GRIP1: variants seen among roughly 807,000 people sequenced by gnomAD.
GRIP1 encodes the protein glutamate receptor interacting protein 1, also known as glutamate receptor-interacting protein 1.
Under a neutral mutation model 129.9 loss-of-function variants are expected in GRIP1, and 45 were observed. The ratio of observed to expected loss-of-function variants is 0.35; its 90% CI spans 0.27 to 0.44. The LOEUF is 0.44. Among genes scored for constraint, GRIP1 ranks in the 20% least tolerant of loss-of-function variants. The pLI is 1.00. For missense variants in GRIP1, 1,196 were observed against 1,396.8 expected, an observed-to-expected ratio of 0.86 and a Z score of 2.29; for synonymous variants, 530 against 520.8, an observed-to-expected ratio of 1.02 and a Z score of -0.24.
At chr12:66,752,125 G>T (rs2037145341) in intron 1 of GRIP1, among the ~76,000 whole-genome samples, 1 of 152,100 alleles carries the variant, frequency 6.6e-6, no homozygotes, top group African/African-American at 2.4e-5. Context: ...TCCATATTAT[G>T]AAACGATATA....
At chr12:67,046,464 C>A (rs572155758) in intron 1 of GRIP1, among the ~76,000 whole-genome samples, 14 of 152,212 alleles carry the variant, frequency 9.2e-5, no homozygotes, top group African/African-American at 3.4e-4. Flanking sequence ...GACTGAATTT[C>A]ATGTTAATTT....
At chr12:66,941,047 T>C (rs1294305997) in intron 1 of GRIP1, among the ~76,000 whole-genome samples, 2 of 150,264 alleles carry the variant, frequency 1.3e-5, no homozygotes, top group South Asian at 2.1e-4. Flanking sequence ...ATCACAATGC[T>C]AAACACAATC....
At chr12:66,416,358 G>A (rs1473185204) in intron 15 of GRIP1, among the ~76,000 whole-genome samples, 1 of 151,966 alleles carries the variant, frequency 6.6e-6, no homozygotes, top group African/African-American at 2.4e-5. Context: ...AATCAGAAAA[G>A]CAAGAGCAAA....
intron 1 of GRIP1, among the ~76,000 whole-genome samples, chr12:66,820,338 CA>C (rs564923762): frequency 1.6e-4 from 25 of 152,196 alleles, no homozygotes; most frequent in Non-Finnish European, 2.6e-4. Flanking sequence ...CTAGTGTCCA[CA>C]ACACTGGCAA....
At chr12:66,626,735 ACTC>A (rs2030108101) in intron 1 of GRIP1, 1 of 152,784 alleles carries the variant, frequency 6.5e-6, no homozygotes. Flanking sequence ...CAGCGTCACC[ACTC>A]CTCATTTCAC....
At chr12:66,827,387 TGAGAGAGAGA>T (rs112366252) in intron 1 of GRIP1, among the ~76,000 whole-genome samples, 1 of 108,226 alleles carries the variant, frequency 9.2e-6, no homozygotes, top group African/African-American at 3.6e-5. Context: ...TGTGTGTGTG[TGAGAGAGAGA>T]GAGAGAGAGA....
At chr12:66,587,992 CTT>C (rs896773991) in intron 2 of GRIP1, among the ~76,000 whole-genome samples, 86 of 151,324 alleles carry the variant, frequency 5.7e-4, no homozygotes, top group African/African-American at 1.9e-3. Flanking sequence ...TTGTGTATCA[CTT>C]ATATATTTTA....
At chr12:66,807,086 T>A (rs993649329), upstream of GRIP1, among the ~76,000 whole-genome samples, 2 of 152,084 alleles carry the variant, frequency 1.3e-5, no homozygotes, top group Non-Finnish European at 2.9e-5. Flanking sequence ...CATGAGTATA[T>A]GGGCCACAAT....
At chr12:66,380,711 G>T (rs1423657334) in intron 19 of GRIP1, among the ~76,000 whole-genome samples, 1 of 152,140 alleles carries the variant, frequency 6.6e-6, no homozygotes, top group Non-Finnish European at 1.5e-5. Context: ...GTAGGTGATG[G>T]GGTATGTGGT....
At chr12:66,910,580 A>G (rs1422115025) in intron 1 of GRIP1, among the ~76,000 whole-genome samples, 2 of 152,044 alleles carry the variant, frequency 1.3e-5, no homozygotes, top group Admixed American at 6.5e-5. Context: ...CGGTGTGAAC[A>G]TAACCACAGG....
Position 66,644,746 on chromosome 12 carries a change from T to C in GRIP1, c.55+34104A>G, listed in dbSNP as rs571877667. On this transcript the variant is annotated intron_variant, in intron 1 of 24. Coordinates refer to ENST00000359742, the MANE Select transcript of GRIP1 (RefSeq NM_001366722.1). ...ACTTGCAAGAATTCTCATTTACTCATTTAATTCTGTTTTTGCAATTATGAA... is the reference window on the plus strand; with the variant it reads ...ACTTGCAAGAATTCTCATTTACTCACTTAATTCTGTTTTTGCAATTATGAA... Among the ~76,000 whole-genome samples, 3 of 152,354 alleles carry C rather than the reference T, an allele frequency of 2.0e-5. No homozygotes were observed. The South Asian group carries it at 6.2e-4, about 32-fold the overall frequency.
Position 66,392,311 on chromosome 12 carries a change from G to T in GRIP1, c.2461C>A (p.Gln821Lys). The stretch of plus-strand genomic sequence containing the variant: ...GGGGGACAAAGTAAAGACATACCTT[G>T]AGTTCCATAGCTGGTGTCTATTGCA... ...GSAIDTSYGT[Q>K]GTSFQASGYN... The change falls in exon 19 of 25, where the codon CAA becomes AAA. Residue 821 changes from glutamine to lysine, a missense_variant. Gln to Lys is a moderately conservative substitution (Grantham distance 53). Coordinates refer to ENST00000359742, the MANE Select transcript of GRIP1 (RefSeq NM_001366722.1). 2 of 1,587,502 alleles carry T rather than the reference G, an allele frequency of 1.3e-6. No individual in the cohort carries two copies. Among genetic ancestry groups the T allele is most frequent in the Non-Finnish European group, 1.7e-6 (2 of 1,155,680 alleles).
rs536428029 is a variant in GRIP1 at position 66,754,584 on chromosome 12, G to C, written c.-420+49469C>G. On this transcript the variant is annotated intron_variant, in intron 1 of 4. Coordinates refer to the GRIP1 transcript ENST00000538373. ...AAGGGCAGAGAGCCGTCACTACACT[G>C]TCTGCTCAAGGTAGGGTCTCACAGG... Among the ~76,000 whole-genome samples the C allele has an allele frequency of 7.9e-5, 12 of 152,278 alleles. 1 individual carries two copies. The South Asian group carries it at 2.5e-3, about 32-fold the overall frequency.
intron 14 of GRIP1, among the ~76,000 whole-genome samples, chr12:66,431,368 G>A (rs2058142038): frequency 6.6e-6 from 1 of 152,064 alleles, no homozygotes. Context: ...GGGGGATCTA[G>A]GCTCTCTCCC....
chr12:66,876,085 A>G (rs1216698103), intron 1 of GRIP1, among the ~76,000 whole-genome samples: 1 of 152,074 alleles, frequency 6.6e-6, no homozygotes, highest in Non-Finnish European at 1.5e-5. Context: ...TTAGTATTAG[A>G]CAACAAGAAA....
At chr12:67,045,464 T>A (rs1340928986) in intron 1 of GRIP1, among the ~76,000 whole-genome samples, 1 of 152,178 alleles carries the variant, frequency 6.6e-6, no homozygotes. Context: ...CAATAGCATG[T>A]CTGTTACAGG....
At chr12:66,548,810 C>A (rs1166560270) in intron 2 of GRIP1, among the ~76,000 whole-genome samples, 2 of 152,078 alleles carry the variant, frequency 1.3e-5, no homozygotes, top group Admixed American at 6.6e-5. Context: ...GTGGGGCAGG[C>A]ACACTATATA....
intron 1 of GRIP1, among the ~76,000 whole-genome samples, chr12:66,977,807 A>ATTTTTT (rs200381983): frequency 3.3e-5 from 2 of 60,274 alleles, no homozygotes; most frequent in African/African-American, 1.4e-4. Context: ...AGAGCTGAGC[A>ATTTTTT]TTTTTTTTTT....
chr12:67,034,149 C>T (rs974193629), intron 1 of GRIP1, among the ~76,000 whole-genome samples: 2 of 152,106 alleles, frequency 1.3e-5, no homozygotes, highest in Non-Finnish European at 2.9e-5. Flanking sequence ...CAAGAACCAA[C>T]AAAGAACTTA....
Sources: gnomAD v4.1 joint callset for allele counts (sites outside exome capture counted in the v4.1 genomes callset) on GRCh38, gnomAD v4.1.1 for gene constraint, MANE v1.5 for transcripts, NCBI Gene and HGNC (gene_info 2026-07-23, HGNC 2026-07-21) for gene names.